The following DPYD variants were observed in gnomAD, a reference collection of about 807,000 sequenced individuals.
DPYD encodes dihydropyrimidine dehydrogenase, also known as dihydropyrimidine dehydrogenase [NADP(+)].
Under a neutral mutation model 116.2 loss-of-function variants are expected in DPYD, and 109 were observed. The observed-to-expected ratio is 0.94, with a 90% CI of 0.80 to 1.10. The LOEUF is 1.10. Among genes scored for constraint, DPYD ranks in the 50% least tolerant of loss-of-function variants. The pLI is 0.00. For synonymous variants in DPYD, 440 were observed against 432.0 expected (o/e 1.02, Z -0.23); for missense variants, 1,302 against 1,254.5 (o/e 1.04, Z -0.57).
At chr1:97,508,304 T>C (rs1206719354) in intron 13 of DPYD, among the ~76,000 whole-genome samples, 5 of 151,968 alleles carry the variant, frequency 3.3e-5, no homozygotes, top group Non-Finnish European at 5.9e-5. Context: ...GCCAGTCATA[T>C]AAATATCTGA....
chr1:97,165,760 T>C (rs557379835), intron 20 of DPYD, among the ~76,000 whole-genome samples: 77 of 152,000 alleles, frequency 5.1e-4, no homozygotes, highest in Non-Finnish European at 8.8e-4. Context: ...GTGGGCAAAA[T>C]ACATGAACAA....
chr1:97,913,086 T>C (rs777083077), intron 1 of DPYD, among the ~76,000 whole-genome samples: 1 of 152,090 alleles, frequency 6.6e-6, no homozygotes, highest in Non-Finnish European at 1.5e-5. Flanking sequence ...ACATACAAAA[T>C]GTAAATTTGT....
intron 21 of DPYD, among the ~76,000 whole-genome samples, chr1:97,094,664 G>A (rs1200771816): frequency 6.6e-6 from 1 of 152,078 alleles, no homozygotes; most frequent in African/African-American, 2.4e-5. Flanking sequence ...TTGGTCAGAC[G>A]ATGCAGGTGG....
intron 13 of DPYD, among the ~76,000 whole-genome samples, chr1:97,459,725 G>A (rs1394447579): frequency 6.6e-6 from 1 of 152,030 alleles, no homozygotes; most frequent in Non-Finnish European, 1.5e-5. Context: ...TGAGCAAATA[G>A]TATATGGTAG....
intron 4 of DPYD, among the ~76,000 whole-genome samples, chr1:97,739,168 A>C (rs1664125627): frequency 6.6e-6 from 1 of 152,166 alleles, no homozygotes; most frequent in Non-Finnish European, 1.5e-5. Flanking sequence ...TTTTATAAAT[A>C]GCAGTTTACT....
chr1:97,210,071 C>T lies in DPYD; in HGVS notation c.2443-16823G>A, dbSNP rs962978141. On this transcript the variant is annotated intron_variant, in intron 19 of 22. Coordinates refer to ENST00000370192, the MANE Select transcript of DPYD (RefSeq NM_000110.4). ...AACTTGGAGCATTTATATTTCAGGC[C>T]AGGAGAATCTGGTTTAAAAGTTTTC... Among the ~76,000 whole-genome samples the T allele has an allele frequency of 6.6e-5, 10 of 151,872 alleles. No homozygotes were observed. In the East Asian group the frequency reaches 1.9e-3, roughly 29 times the overall value.
chr1:97,305,803 T>C (rs1016990956), intron 17 of DPYD, among the ~76,000 whole-genome samples: 1 of 152,026 alleles, frequency 6.6e-6, no homozygotes, highest in Non-Finnish European at 1.5e-5. Context: ...TTTCACATTG[T>C]GCAAATTGAA....
chr1:97,519,320 T>C (rs1191506645), intron 12 of DPYD, among the ~76,000 whole-genome samples: 3 of 152,114 alleles, frequency 2.0e-5, no homozygotes, highest in African/African-American at 4.8e-5. Flanking sequence ...AGGGAGAGCT[T>C]ATGCAGTGGA....
chr1:97,650,284 G>T (rs1294512493), intron 8 of DPYD, among the ~76,000 whole-genome samples: 1 of 152,102 alleles, frequency 6.6e-6, no homozygotes, highest in African/African-American at 2.4e-5. Context: ...TCTTTCCCTG[G>T]CATAGAACAG....
At chr1:97,587,073 A>G (rs1479296962) in intron 10 of DPYD, among the ~76,000 whole-genome samples, 1 of 152,224 alleles carries the variant, frequency 6.6e-6, no homozygotes, top group Non-Finnish European at 1.5e-5. Flanking sequence ...TCAAGAACCA[A>G]GTGCTCCAAC....
intron 14 of DPYD, among the ~76,000 whole-genome samples, chr1:97,449,238 G>A (rs374349602): frequency 1.3e-5 from 2 of 151,886 alleles, no homozygotes; most frequent in Admixed American, 6.6e-5. Flanking sequence ...AAATATTTTC[G>A]ATGACATAAA....
chr1:97,682,882 T>G (rs1204021633), intron 7 of DPYD, among the ~76,000 whole-genome samples: 1 of 152,110 alleles, frequency 6.6e-6, no homozygotes, highest in Non-Finnish European at 1.5e-5. Context: ...TATTTCAAGT[T>G]CAGTGTAATA....
chr1:97,564,903 T>C (rs956346470), intron 11 of DPYD, among the ~76,000 whole-genome samples: 8 of 152,136 alleles, frequency 5.3e-5, no homozygotes, highest in African/African-American at 1.9e-4. Context: ...ACTCCTGATG[T>C]TGCCTTCCAT....
At chr1:97,226,105 T>C (rs1389182363) in intron 19 of DPYD, among the ~76,000 whole-genome samples, 2 of 152,062 alleles carry the variant, frequency 1.3e-5, no homozygotes, top group Non-Finnish European at 2.9e-5. Flanking sequence ...CCAATAAATA[T>C]AACAACACAT....
intron 2 of DPYD, among the ~76,000 whole-genome samples, chr1:97,839,268 AAAGT>A (rs763763319): frequency 6.6e-6 from 1 of 152,370 alleles, no homozygotes; most frequent in Admixed American, 6.5e-5. Flanking sequence ...TTCAATTACA[AAAGT>A]AATATATGCC....
chr1:97,538,314 A>G (rs1650171620), intron 12 of DPYD, among the ~76,000 whole-genome samples: 1 of 152,204 alleles, frequency 6.6e-6, no homozygotes, highest in Admixed American at 6.5e-5. Context: ...GGTCTATGGC[A>G]TGAATTTGTC....
intron 19 of DPYD, among the ~76,000 whole-genome samples, chr1:97,207,295 C>T (rs1659705096): frequency 6.6e-6 from 1 of 152,154 alleles, no homozygotes; most frequent in Non-Finnish European, 1.5e-5. Flanking sequence ...ACTTTTGCTG[C>T]ACTCTATATC....
chr1:97,552,063 A>G (rs797004908), intron 11 of DPYD, among the ~76,000 whole-genome samples: 1 of 152,058 alleles, frequency 6.6e-6, no homozygotes, highest in South Asian at 2.1e-4. Context: ...GGATCCTGGA[A>G]CCAAGCCCCC....
intron 14 of DPYD, among the ~76,000 whole-genome samples, chr1:97,388,902 T>C (rs577828294): frequency 2.6e-5 from 4 of 152,048 alleles, no homozygotes; most frequent in South Asian, 2.1e-4. Flanking sequence ...AGAGTACAAG[T>C]GGAGAAAGTG....
Sources: allele counts gnomAD v4.1 joint callset (sites outside exome capture counted in the v4.1 genomes callset), GRCh38; gene constraint gnomAD v4.1.1; transcripts MANE v1.5; gene names NCBI Gene and HGNC (gene_info 2026-07-23, HGNC 2026-07-21).